Variants in DTNBP1 observed in about 807,000 individuals in gnomAD.
DTNBP1 encodes dystrobrevin binding protein 1, also known as dysbindin.
A neutral mutation model predicts 42.8 loss-of-function variants in DTNBP1; 35 were observed. The ratio of observed to expected loss-of-function variants is 0.82; its 90% CI spans 0.63 to 1.09. The LOEUF is 1.09. Ranked by LOEUF, DTNBP1 falls within the 50% of genes least tolerant of loss-of-function variation. The pLI is 0.00. For synonymous variants in DTNBP1, 171 were observed against 162.2 expected (o/e 1.05, Z -0.41); for missense variants, 457 against 424.2 (o/e 1.08, Z -0.68).
intron 7 of DTNBP1, among the ~76,000 whole-genome samples, chr6:15,566,538 C>T (rs1284458309): frequency 6.6e-6 from 1 of 152,078 alleles, no homozygotes; most frequent in Admixed American, 6.6e-5. Context: ...AAACTCTTTG[C>T]AGCAATAAGA....
At chr6:15,539,933 G>A (rs1403266778) in intron 7 of DTNBP1, among the ~76,000 whole-genome samples, 4 of 152,230 alleles carry the variant, frequency 2.6e-5, no homozygotes, top group Admixed American at 6.5e-5. Flanking sequence ...CACCTATTTC[G>A]TAAGGTTGTT....
At chr6:15,579,459 A>C (rs1581351786) in intron 7 of DTNBP1, among the ~76,000 whole-genome samples, 1 of 152,252 alleles carries the variant, frequency 6.6e-6, no homozygotes, top group South Asian at 2.1e-4. Flanking sequence ...CCTGTGTTCT[A>C]TAGCACTGTA....
At chr6:15,552,354 C>A (rs1042581769) in intron 7 of DTNBP1, among the ~76,000 whole-genome samples, 1 of 152,160 alleles carries the variant, frequency 6.6e-6, no homozygotes, top group African/African-American at 2.4e-5. Context: ...GTTGACCACA[C>A]CTGAAAGTAG....
intron 2 of DTNBP1, 172 bp from the exon 3 acceptor site, chr6:15,651,535 T>C (rs190780878): frequency 7.5e-6 from 6 of 803,676 alleles, no homozygotes; most frequent in Admixed American, 2.6e-5. Context: ...ATGTACTGTA[T>C]GTAACACACT....
At chr6:15,644,266 C>T (rs1760549662) in intron 3 of DTNBP1, among the ~76,000 whole-genome samples, 1 of 150,768 alleles carries the variant, frequency 6.6e-6, no homozygotes, top group Admixed American at 6.6e-5. Flanking sequence ...ATATATGTAC[C>T]CAACATCACA....
chr6:15,647,163 C>T (rs1454737444), intron 3 of DTNBP1, among the ~76,000 whole-genome samples: 1 of 151,652 alleles, frequency 6.6e-6, no homozygotes, highest in Non-Finnish European at 1.5e-5. Flanking sequence ...CAAGAAAAAA[C>T]AACCCCATTA....
rs374140133 is a variant in DTNBP1, at chr6:15,634,722, CG to C, written c.222+3021del. On this transcript the variant is annotated intron_variant, in intron 4 of 9. Transcript: ENST00000344537. ...ATCAATACATTTCCCCCAAATAATA[CG>C]GAAGTGTTAGAATGCTTGAACGCTG... Among the ~76,000 whole-genome samples the C allele has an allele frequency of 5.4e-3, 815 of 152,256 alleles. 11 individuals are homozygous for C. Among genetic ancestry groups the C allele is most frequent in the African/African-American group, 0.019 (780 of 41,534 alleles).
intron 6 of DTNBP1, among the ~76,000 whole-genome samples, chr6:15,607,069 GGT>G (rs1417993998): frequency 6.7e-6 from 1 of 148,200 alleles, no homozygotes; most frequent in Non-Finnish European, 1.5e-5. Context: ...GGAGTGCAGT[GGT>G]GTGAGCTCAG....
At chr6:15,626,712 C>T (rs1759370958) in intron 5 of DTNBP1, among the ~76,000 whole-genome samples, 1 of 152,146 alleles carries the variant, frequency 6.6e-6, no homozygotes, top group African/African-American at 2.4e-5. Flanking sequence ...TAAATTTCCA[C>T]AGAGTATAAA....
At position 15,533,352 on chromosome 6, in the gene DTNBP1, C is replaced by T. The variant is rs138074958; in HGVS notation, c.555G>A (p.Glu185=). Residue 185 remains glutamate, a synonymous_variant, in exon 8 of 10, where the codon GAG becomes GAA. Coordinates refer to ENST00000344537, the MANE Select transcript of DTNBP1 (RefSeq NM_032122.5). ...CCTTCAGCTTCATTTGCTGGGTGTG[C>T]TCCATTTCCAGGACCTTCTGGGCGT... is the stretch of plus-strand genomic sequence containing the variant. ...AEHAQKVLEM[E]HTQQMKLKER... is the part of the protein sequence containing the mutation. 1 of 1,614,098 alleles carries T rather than the reference C, an allele frequency of 6.2e-7. No homozygotes were observed. The highest frequency in any genetic ancestry group is 8.5e-7 in the Non-Finnish European group (1 of 1,180,054).
intron 4 of DTNBP1, among the ~76,000 whole-genome samples, chr6:15,631,621 A>T (rs1287951519): frequency 6.6e-6 from 1 of 152,176 alleles, no homozygotes; most frequent in African/African-American, 2.4e-5. Context: ...GCTTGCTACA[A>T]ACATTCTGGT....
At chr6:15,540,205 A>G (rs1773478892) in intron 7 of DTNBP1, among the ~76,000 whole-genome samples, 1 of 152,152 alleles carries the variant, frequency 6.6e-6, no homozygotes, top group African/African-American at 2.4e-5. Context: ...AGAAAAAAAA[A>G]TGAACTGAAG....
chr6:15,648,398 A>G (rs1760802626), intron 3 of DTNBP1, among the ~76,000 whole-genome samples: 2 of 152,056 alleles, frequency 1.3e-5, no homozygotes, highest in Non-Finnish European at 2.9e-5. Context: ...GTCTAGCCAG[A>G]GCAATTAGGC....
chr6:15,588,429 T>A (rs1437462858), intron 7 of DTNBP1, among the ~76,000 whole-genome samples: 1 of 152,220 alleles, frequency 6.6e-6, no homozygotes, highest in African/African-American at 2.4e-5. Flanking sequence ...TGAGCTCTTT[T>A]TAATCATGCA....
chr6:15,523,511 G>A (rs1772074647), intron 9 of DTNBP1: 2 of 1,273,646 alleles, frequency 1.6e-6, no homozygotes, highest in Non-Finnish European at 2.0e-6. Context: ...CCAAAGGCAA[G>A]TGCTGCCTAT....
At chr6:15,601,704 G>A (rs907393212) in intron 6 of DTNBP1, among the ~76,000 whole-genome samples, 2 of 151,704 alleles carry the variant, frequency 1.3e-5, no homozygotes, top group Non-Finnish European at 2.9e-5. Context: ...AAATTAGCCA[G>A]GTGTGGTGGC....
chr6:15,660,413 T>C, intron 1 of DTNBP1: 2 of 1,289,614 alleles, frequency 1.6e-6, no homozygotes, highest in Non-Finnish European at 2.0e-6. Flanking sequence ...GCACTAGAGG[T>C]CCGGGTCTAC....
At chr6:15,607,771 A>G (rs545176850) in intron 6 of DTNBP1, among the ~76,000 whole-genome samples, 2 of 148,524 alleles carry the variant, frequency 1.3e-5, no homozygotes, top group East Asian at 3.9e-4. Context: ...AGGGAATGTT[A>G]TATGGAATTA....
At chr6:15,635,709 T>C (rs1030439686) in intron 4 of DTNBP1, among the ~76,000 whole-genome samples, 1 of 152,188 alleles carries the variant, frequency 6.6e-6, no homozygotes, top group Non-Finnish European at 1.5e-5. Context: ...TATCAATTCT[T>C]CTTTCATATT....
Sources: allele counts gnomAD v4.1 joint callset (sites outside exome capture counted in the v4.1 genomes callset), GRCh38; gene constraint gnomAD v4.1.1; transcripts MANE v1.5; gene names NCBI Gene and HGNC (gene_info 2026-07-23, HGNC 2026-07-21).